Variants in TMEM131 observed in about 807,000 individuals in gnomAD.
TMEM131 encodes the protein transmembrane protein 131.
Under a neutral mutation model 211.6 loss-of-function variants are expected in TMEM131, and 66 were observed. That is an observed-to-expected ratio of 0.31 (90% confidence interval 0.26 to 0.38). The LOEUF (loss-of-function observed/expected upper bound fraction) is 0.38. Among genes scored for constraint, TMEM131 ranks in the 10% least tolerant of loss-of-function variants. The pLI, the probability that TMEM131 is intolerant of heterozygous loss-of-function variation, is 1.00. For synonymous variants in TMEM131, 844 were observed against 841.3 expected (o/e 1.00, Z -0.06); for missense variants, 2,036 against 2,299.3 (o/e 0.89, Z 2.34).
At chr2:97,818,496 T>G in intron 12 of TMEM131, 117 bp downstream of exon 12, 1 of 422,216 alleles carries the variant, frequency 2.4e-6, no homozygotes, top group Non-Finnish European at 4.6e-6. Flanking sequence ...ACCTAAGCAG[T>G]AATATAAATT....
At chr2:97,959,639 A>T (rs1678730708) in intron 1 of TMEM131, among the ~76,000 whole-genome samples, 1 of 152,142 alleles carries the variant, frequency 6.6e-6, no homozygotes. Flanking sequence ...CCCAGTAAAT[A>T]CTTTCAGCAC....
intron 31 of TMEM131, among the ~76,000 whole-genome samples, chr2:97,784,392 G>A (rs570481064): frequency 5.3e-5 from 8 of 152,128 alleles, no homozygotes; most frequent in African/African-American, 1.9e-4. Flanking sequence ...GAAATCAAAA[G>A]AAGTGAAATC....
At position 97,763,589 on chromosome 2, in the gene TMEM131, C is replaced by T. The variant is rs76697933; in HGVS notation, c.4724-1389G>A. 3.4e-3 allele frequency: 526 copies of T among 152,706 alleles called. 8 individuals are homozygous for T. In the East Asian group the frequency reaches 0.043, roughly 12 times the overall value. 9.5% of individuals were successfully genotyped at this position (152,706 alleles called of 1,614,324 possible). A position where few individuals can be genotyped will look rare whatever the true frequency, so the allele number is the denominator to read the frequency against. ...CTCCTCTGAGGCCTCCCATCTGACA[C>T]CACGTCTACACTGTCGGCTTGCTAT... is the stretch of plus-strand genomic sequence containing the variant. On this transcript the variant is annotated intron_variant, in intron 35 of 40. Coordinates refer to ENST00000186436, the MANE Select transcript of TMEM131 (RefSeq NM_015348.2).
At chr2:97,879,303 G>A (rs1289091248) in intron 4 of TMEM131, among the ~76,000 whole-genome samples, 1 of 152,208 alleles carries the variant, frequency 6.6e-6, no homozygotes, top group East Asian at 1.9e-4. Context: ...TCCTGGTGGT[G>A]TTAGAGCAAG....
chr2:97,867,371 A>C (rs1375248663), intron 4 of TMEM131, among the ~76,000 whole-genome samples: 1 of 152,154 alleles, frequency 6.6e-6, no homozygotes, highest in Non-Finnish European at 1.5e-5. Context: ...CTCTGTTATT[A>C]GTTATATATA....
intron 3 of TMEM131, among the ~76,000 whole-genome samples, chr2:97,898,836 T>C (rs1004785456): frequency 2.0e-5 from 3 of 152,170 alleles, no homozygotes; most frequent in Non-Finnish European, 4.4e-5. Flanking sequence ...TTTCTAATTA[T>C]AAAATATCTG....
At chr2:97,901,746 A>G (rs1389340169) in intron 3 of TMEM131, among the ~76,000 whole-genome samples, 1 of 152,174 alleles carries the variant, frequency 6.6e-6, no homozygotes, top group African/African-American at 2.4e-5. Context: ...TTGTGAAGGT[A>G]AAGAGTAGAA....
At chr2:97,799,567 A>G (rs1217601044) in intron 25 of TMEM131, among the ~76,000 whole-genome samples, 1 of 152,214 alleles carries the variant, frequency 6.6e-6, no homozygotes, top group Non-Finnish European at 1.5e-5. Context: ...CAAGCTTTTG[A>G]GCAAAATTTA....
At position 97,812,528 on chromosome 2, in the gene TMEM131, C is replaced by T. The variant is rs1463569028; in HGVS notation, c.1756G>A (p.Gly586Arg). The T allele has an allele frequency of 1.0e-5, 16 of 1,607,486 alleles. No individual in the cohort carries two copies. The highest frequency in any genetic ancestry group is 2.5e-6 in the Non-Finnish European group (3 of 1,178,092). Residue 586 changes from glycine (G) to arginine (R), a missense_variant, in exon 17 of 41, where the codon GGA becomes AGA. Around this residue, in one of 3 missense-constraint regions of TMEM131, gnomAD observed 1,623 missense variants for 1,805.9 expected, o/e 0.90. Coordinates refer to ENST00000186436, the MANE Select transcript of TMEM131 (RefSeq NM_015348.2). Reference protein sequence around the residue: ...ELAIKSWHIIGDGLSIELVAV... With the variant: ...ELAIKSWHIIRDGLSIELVAV... The stretch of plus-strand genomic sequence containing the variant: ...ACAAGTTCTATTGATAAACCGTCTC[C>T]TATGATATGCCAACTTTTTATAGCC...
At chr2:97,812,059 A>T (rs2104964907) in intron 17 of TMEM131, among the ~76,000 whole-genome samples, 1 of 152,266 alleles carries the variant, frequency 6.6e-6, no homozygotes, top group South Asian at 2.1e-4. Flanking sequence ...AATTGAAAAT[A>T]TTTTCTACCA....
At chr2:97,757,521 A>G (rs1210948911) in intron 40 of TMEM131, 138 bp from the exon 41 acceptor site, 4 of 989,818 alleles carry the variant, frequency 4.0e-6, no homozygotes, top group Non-Finnish European at 5.8e-6. Flanking sequence ...AATGTTATAT[A>G]TATGTATTTG....
chr2:97,848,363 T>A (rs1406744258), intron 5 of TMEM131, among the ~76,000 whole-genome samples: 2 of 152,212 alleles, frequency 1.3e-5, no homozygotes, highest in African/African-American at 2.4e-5. Context: ...TGTCCCTCAG[T>A]ATCTGTGGGA....
Position 97,995,612 on chromosome 2 carries a change from G to A in TMEM131, c.51C>T (p.Val17=). The change falls in exon 1 of 41, where the codon GTC becomes GTT. Residue 17 remains valine (V), a synonymous_variant. Coordinates refer to ENST00000186436, the MANE Select transcript of TMEM131 (RefSeq NM_015348.2). ...CCAGCCCGGCCCCGGCGGACGTGGAGACGGCGGCGGTGGTGGCTCCGGTTG... is the reference window on the plus strand; with the variant it reads ...CCAGCCCGGCCCCGGCGGACGTGGAAACGGCGGCGGTGGTGGCTCCGGTTG... ...GGATGATTAA[V]STSAGAGLEP... 1 of 1,240,946 alleles carries A rather than the reference G, an allele frequency of 8.1e-7. No homozygotes were observed. Among genetic ancestry groups the A allele is most frequent in the South Asian group, 3.4e-5 (1 of 29,460 alleles). The allele number at this position is 1,240,946 out of a possible 1,614,324, so 76.9% of individuals were successfully genotyped here. A position where few individuals can be genotyped will look rare whatever the true frequency, so the allele number is the denominator to read the frequency against.
rs1192775086 is a variant in TMEM131 at position 97,762,145 on chromosome 2, T to C, written c.4779A>G (p.Leu1593=). The change falls in exon 36 of 41, where the codon TTA becomes TTG. Residue 1593 remains leucine, a synonymous_variant. Coordinates refer to ENST00000186436, the MANE Select transcript of TMEM131 (RefSeq NM_015348.2). ...GTGTCGGTGAGGTCTGGCGTTGTTTTAAGAAAATGTCTGCGTTGAGGGTTT... is the reference window on the plus strand; with the variant it reads ...GTGTCGGTGAGGTCTGGCGTTGTTTCAAGAAAATGTCTGCGTTGAGGGTTT... ...SLQTLNADIF[L]KQRQTSPTPA... 1 of 1,613,922 alleles carries C rather than the reference T, an allele frequency of 6.2e-7. No homozygotes were observed. Among genetic ancestry groups the C allele is most frequent in the South Asian group, 1.1e-5 (1 of 91,082 alleles).
At chr2:97,914,490 C>A (rs1207010242) in intron 2 of TMEM131, among the ~76,000 whole-genome samples, 1 of 152,186 alleles carries the variant, frequency 6.6e-6, no homozygotes, top group Non-Finnish European at 1.5e-5. Context: ...AGTGTCAGCA[C>A]CCTGAGAATC....
intron 1 of TMEM131, among the ~76,000 whole-genome samples, chr2:97,930,256 T>C (rs1326170986): frequency 4.0e-5 from 6 of 151,808 alleles, no homozygotes; most frequent in Non-Finnish European, 8.8e-5. Context: ...AAACGAGCTA[T>C]AGGTGGCTGC....
chr2:97,867,745 T>C (rs1674329962), intron 4 of TMEM131, among the ~76,000 whole-genome samples: 1 of 152,130 alleles, frequency 6.6e-6, no homozygotes, highest in Non-Finnish European at 1.5e-5. Flanking sequence ...AAGTTGGAGA[T>C]GATGAGAAAT....
At position 97,876,206 on chromosome 2, in the gene TMEM131, C is replaced by G. The variant is rs144190236; in HGVS notation, c.359+11846G>C. 4.3e-3 allele frequency among the ~76,000 whole-genome samples: 653 copies of G among 152,278 alleles called. 4 individuals are homozygous for G. Among genetic ancestry groups the G allele is most frequent in the African/African-American group, 0.015 (616 of 41,556 alleles). ...CCAATAACAAGTTCTGAAATTGAGG[C>G]AGTAATTAATAGCCTACCAACCGAA... On this transcript the variant is annotated intron_variant, in intron 4 of 40. Transcript: ENST00000186436.
At chr2:97,866,067 G>A (rs1326133541) in intron 4 of TMEM131, among the ~76,000 whole-genome samples, 4 of 152,114 alleles carry the variant, frequency 2.6e-5, no homozygotes, top group Non-Finnish European at 5.9e-5. Context: ...TGTATCTTTA[G>A]TAGACGTGGG....
Sources: gnomAD v4.1 joint callset for allele counts (sites outside exome capture counted in the v4.1 genomes callset) on GRCh38, gnomAD v4.1.1 for gene constraint, gnomAD v4.1.1 regional missense constraint, MANE v1.5 for transcripts, NCBI Gene and HGNC (gene_info 2026-07-23, HGNC 2026-07-21) for gene names.